Variants in LRP1B observed in about 807,000 individuals in gnomAD.
LRP1B encodes the protein LDL receptor related protein 1B.
In LRP1B, 217 loss-of-function variants were observed where a neutral mutation model predicts 556.6. That is an observed-to-expected ratio of 0.39 (90% CI 0.35 to 0.44). The LOEUF is 0.44. LRP1B is among the 20% of genes least tolerant of loss of function. The probability of loss-of-function intolerance (pLI) is 1.00; values close to 1 mark genes in which losing one functional copy is unlikely to be tolerated. For missense variants in LRP1B, 5,053 were observed against 5,620.8 expected, an observed-to-expected ratio of 0.90 and a Z score of 3.23; for synonymous variants, 2,047 against 1,865.8, an observed-to-expected ratio of 1.10 and a Z score of -2.50.
At position 141,029,528 on chromosome 2, in the gene LRP1B, G is replaced by A. The variant is rs1358930036; in HGVS notation, c.1790-9426C>T. 3.3e-5 allele frequency among the ~76,000 whole-genome samples: 5 copies of A among 152,076 alleles called. 1 individual carries two copies. Among genetic ancestry groups the A allele is most frequent in the Middle Eastern group, 6.3e-3 (2 of 316 alleles). Reference sequence around the variant, plus strand: ...TGCTGTGTAACTGCTAGCTCCACAGGGGAGGCAAACTACAGATCTTGCTGT... The same window carrying A: ...TGCTGTGTAACTGCTAGCTCCACAGAGGAGGCAAACTACAGATCTTGCTGT... On this transcript the variant is annotated intron_variant, in intron 11 of 90. Transcript: ENST00000389484.
At chr2:140,712,328 T>C (rs532325297) in intron 37 of LRP1B, among the ~76,000 whole-genome samples, 2 of 152,174 alleles carry the variant, frequency 1.3e-5, no homozygotes, top group Non-Finnish European at 2.9e-5. Flanking sequence ...CTTGATCTCT[T>C]TCTTCCCCTT....
At chr2:140,678,808 C>T (rs1685763587) in intron 41 of LRP1B, among the ~76,000 whole-genome samples, 1 of 144,552 alleles carries the variant, frequency 6.9e-6, no homozygotes, top group Non-Finnish European at 1.5e-5. Flanking sequence ...AATGGAGTCT[C>T]TCTCTGTCGC....
chr2:141,703,572 T>C (rs1388252316), intron 2 of LRP1B, among the ~76,000 whole-genome samples: 1 of 151,966 alleles, frequency 6.6e-6, no homozygotes, highest in Non-Finnish European at 1.5e-5. Context: ...GGCTCATTCT[T>C]TGAGTTTTAG....
At chr2:141,905,840 C>A (rs1473763731) in intron 1 of LRP1B, among the ~76,000 whole-genome samples, 4 of 127,328 alleles carry the variant, frequency 3.1e-5, no homozygotes, top group African/African-American at 1.2e-4. Flanking sequence ...AGAGGACTAG[C>A]CAAGATATTT....
At chr2:141,853,092 G>A (rs1276892852) in intron 1 of LRP1B, among the ~76,000 whole-genome samples, 1 of 151,510 alleles carries the variant, frequency 6.6e-6, no homozygotes, top group Non-Finnish European at 1.5e-5. Context: ...AAAAGCTCTG[G>A]TGGTTGTTAG....
At chr2:140,728,532 C>G (rs1687670401) in intron 35 of LRP1B, among the ~76,000 whole-genome samples, 1 of 152,160 alleles carries the variant, frequency 6.6e-6, no homozygotes, top group African/African-American at 2.4e-5. Context: ...CAACACCATT[C>G]CATTTCACTT....
At chr2:141,104,620 T>C (rs1190649708) in intron 7 of LRP1B, among the ~76,000 whole-genome samples, 4 of 152,126 alleles carry the variant, frequency 2.6e-5, no homozygotes, top group Non-Finnish European at 4.4e-5. Flanking sequence ...TTATTCTTAA[T>C]TGGTTGCTGA....
intron 2 of LRP1B, among the ~76,000 whole-genome samples, chr2:141,545,616 G>A (rs1011316650): frequency 1.3e-5 from 2 of 152,112 alleles, no homozygotes; most frequent in Admixed American, 1.3e-4. Flanking sequence ...AGGCCAAAGT[G>A]GGAGAATTGC....
chr2:141,434,849 C>T (rs1354698967), intron 3 of LRP1B, among the ~76,000 whole-genome samples: 2 of 152,016 alleles, frequency 1.3e-5, no homozygotes, highest in Non-Finnish European at 2.9e-5. Context: ...TTCTGATATC[C>T]CTACTCAGAT....
chr2:141,399,197 C>T (rs922743006), intron 3 of LRP1B, among the ~76,000 whole-genome samples: 4 of 151,920 alleles, frequency 2.6e-5, no homozygotes, highest in Non-Finnish European at 4.4e-5. Context: ...CAGAGGTTGC[C>T]GTGAGCCAAG....
At position 141,730,972 on chromosome 2, in the gene LRP1B, C is replaced by T. The variant is rs117666369; in HGVS notation, c.205+79307G>A. Among the ~76,000 whole-genome samples, 154 of 152,154 alleles carry T rather than the reference C, an allele frequency of 1.0e-3. 1 individual carries two copies. In the East Asian group the frequency reaches 0.027, roughly 27 times the overall value. On this transcript the variant is annotated intron_variant, in intron 2 of 90. Transcript: ENST00000389484. ...TCATCTAATAGCCAATCCGGAATTA[C>T]GAAACAATAACTTCAAGGCAAGAAC...
At chr2:141,694,066 C>T (rs536062991) in intron 2 of LRP1B, among the ~76,000 whole-genome samples, 9 of 152,136 alleles carry the variant, frequency 5.9e-5, no homozygotes, top group South Asian at 2.1e-4. Context: ...CACAAGATCG[C>T]GGAATGTAAA....
intron 37 of LRP1B, among the ~76,000 whole-genome samples, chr2:140,715,043 G>T (rs1171583522): frequency 6.6e-6 from 1 of 152,080 alleles, no homozygotes; most frequent in Non-Finnish European, 1.5e-5. Flanking sequence ...GAAGAGGTTG[G>T]CAAAGGCTGG....
chr2:142,026,572 G>C (rs1309730586), intron 1 of LRP1B, among the ~76,000 whole-genome samples: 1 of 151,988 alleles, frequency 6.6e-6, no homozygotes, highest in African/African-American at 2.4e-5. Context: ...TATCCAATTA[G>C]GTAAGTTTAC....
Position 140,335,639 on chromosome 2 carries a change from G to A in LRP1B, c.12092C>T (p.Ala4031Val), listed in dbSNP as rs2105086113. ...LLTNMAGEPYAIAVNPKRGMM... is the reference protein window; with the variant it reads ...LLTNMAGEPYVIAVNPKRGMM... The stretch of plus-strand genomic sequence containing the variant: ...CCCTCTTTTAGGATTTACTGCAATA[G>A]CATAGGGTTCTCCAGCCATATTTGT... Residue 4031 changes from alanine to valine, a missense_variant, in exon 78 of 91, where the codon GCT becomes GTT. Ala to Val is a moderately conservative substitution (Grantham distance 64). This residue lies in a region of LRP1B where 599 missense variants were observed against 648.4 expected (regional missense o/e 0.92). Transcript: ENST00000389484. 1 of 1,610,062 alleles carries A rather than the reference G, an allele frequency of 6.2e-7. No individual in the cohort carries two copies. The highest frequency in any genetic ancestry group is 8.5e-7 in the Non-Finnish European group (1 of 1,176,758).
At chr2:140,392,727 G>T (rs1374605442) in intron 66 of LRP1B, among the ~76,000 whole-genome samples, 4 of 151,998 alleles carry the variant, frequency 2.6e-5, no homozygotes, top group Non-Finnish European at 4.4e-5. Context: ...CAGAATATAG[G>T]ATATAAATTG....
In LRP1B at chr2:141,048,968, T is replaced by C. The variant is rs968249998; in HGVS notation, c.1789+18A>G. 11 of 1,555,266 alleles carry C rather than the reference T, an allele frequency of 7.1e-6. No individual in the cohort carries two copies. The highest frequency in any genetic ancestry group is 3.3e-5 in the Admixed American group (2 of 59,836). On this transcript the variant is annotated intron_variant, in intron 11 of 90. Transcript: ENST00000389484. Reference sequence around the variant, plus strand: ...TCATCTCTGGGTAGTTTGATGTTAATGTCACAGTGTCACTTACCATCTTTC... The same window carrying C: ...TCATCTCTGGGTAGTTTGATGTTAACGTCACAGTGTCACTTACCATCTTTC...
intron 1 of LRP1B, among the ~76,000 whole-genome samples, chr2:141,850,381 A>AT (rs1207745331): frequency 6.6e-6 from 1 of 151,694 alleles, no homozygotes; most frequent in Non-Finnish European, 1.5e-5. Flanking sequence ...CATAGATAGT[A>AT]TTCTTTAGAG....
chr2:141,782,514 CT>C (rs5834867), intron 2 of LRP1B, among the ~76,000 whole-genome samples: 6,514 of 97,642 alleles, frequency 0.067, 154 homozygotes, highest in African/African-American at 0.13. Context: ...TTCTATTTTC[CT>C]TTTTTTTTTT....
Sources: gnomAD v4.1 joint callset for allele counts (sites outside exome capture counted in the v4.1 genomes callset) on GRCh38, gnomAD v4.1.1 for gene constraint, gnomAD v4.1.1 regional missense constraint, MANE v1.5 for transcripts, NCBI Gene and HGNC (gene_info 2026-07-23, HGNC 2026-07-21) for gene names.